MYCBP2: variants seen among roughly 807,000 people sequenced by gnomAD.
MYCBP2 encodes the protein MYC binding protein 2.
Under a neutral mutation model 525.3 loss-of-function variants are expected in MYCBP2, and 120 were observed. That is an observed-to-expected ratio of 0.23 (90% confidence interval 0.20 to 0.27). The LOEUF is 0.27. Among genes scored for constraint, MYCBP2 ranks in the 10% least tolerant of loss-of-function variants. The probability of loss-of-function intolerance (pLI) is 1.00; values close to 1 mark genes in which losing one functional copy is unlikely to be tolerated. For synonymous variants in MYCBP2, 1,894 were observed against 1,955.8 expected (o/e 0.97, Z 0.83); for missense variants, 4,149 against 5,657.1 (o/e 0.73, Z 8.55).
At chr13:77,204,921 A>T in intron 26 of MYCBP2, among the ~76,000 whole-genome samples, 1 of 111,654 alleles carries the variant, frequency 9.0e-6, no homozygotes, top group African/African-American at 3.4e-5. Flanking sequence ...GGGGGGAGGG[A>T]TAGCATTGGG....
At chr13:77,139,160 T>C (rs374641618) in intron 52 of MYCBP2, 36 bp downstream of exon 52, 2 of 1,592,208 alleles carry the variant, frequency 1.3e-6, no homozygotes. Flanking sequence ...AAACAGCGTG[T>C]ATCTATAATG....
intron 46 of MYCBP2, among the ~76,000 whole-genome samples, chr13:77,155,104 T>G (rs1369683200): frequency 6.6e-6 from 1 of 152,114 alleles, no homozygotes; most frequent in Non-Finnish European, 1.5e-5. Context: ...AAGATACTGC[T>G]AAAAGACTGA....
At chr13:77,093,006 T>TTAC (rs1198682192) in intron 59 of MYCBP2, among the ~76,000 whole-genome samples, 159 bp downstream of exon 59, 1 of 152,180 alleles carries the variant, frequency 6.6e-6, no homozygotes, top group African/African-American at 2.4e-5. Flanking sequence ...ATCAAGGACC[T>TTAC]TACCTTAGTC....
intron 15 of MYCBP2, among the ~76,000 whole-genome samples, chr13:77,246,019 T>C (rs1395572679): frequency 1.3e-5 from 2 of 152,130 alleles, no homozygotes. Context: ...ATGGGGTATA[T>C]GTTGACAAAG....
intron 2 of MYCBP2, among the ~76,000 whole-genome samples, chr13:77,294,526 G>A (rs1462784118): frequency 6.6e-6 from 1 of 152,080 alleles, no homozygotes; most frequent in East Asian, 1.9e-4. Flanking sequence ...AGGCCGAATT[G>A]AAGGGGACAA....
chr13:77,312,135 A>G (rs1190112427), intron 1 of MYCBP2, among the ~76,000 whole-genome samples: 1 of 152,132 alleles, frequency 6.6e-6, no homozygotes, highest in East Asian at 1.9e-4. Flanking sequence ...TCGGAATTAT[A>G]TATCCACCTA....
In MYCBP2 at chr13:77,151,047, C is replaced by CT. The variant is rs2056384731; in HGVS notation, c.6916-99dup. 4.1e-6 allele frequency: 4 copies of CT among 980,690 alleles called. No homozygotes were observed. The East Asian group carries it at 1.0e-4, about 25-fold the overall frequency. The allele number at this position is 980,690 out of a possible 1,614,324, so 60.7% of individuals were successfully genotyped here. The stretch of plus-strand genomic sequence containing the variant: ...TATTATAAACTCATAATTATGTATA[C>CT]TTTATGTTAGCATTGGTCTGTCTCT... On this transcript the variant is annotated intron_variant, in intron 46 of 82. Transcript: ENST00000544440.
rs1392253281 is a variant in MYCBP2, at chr13:77,126,586, A to G, written c.7660-44T>C. The G allele has an allele frequency of 6.1e-6, 9 of 1,476,960 alleles. No homozygotes were observed. In the Admixed American group the frequency reaches 1.7e-4, roughly 28 times the overall value. The allele number at this position is 1,476,960 out of a possible 1,614,324, so 91.5% of individuals were successfully genotyped here. A position where few individuals can be genotyped will look rare whatever the true frequency, so the allele number is the denominator to read the frequency against. ...AAGAAAAATAAACAAAATACAATCT[A>G]TTATCACTTTCAAAGCCTTCCTATT... On this transcript the variant is annotated intron_variant, in intron 52 of 82. Coordinates refer to ENST00000544440, the MANE Select transcript of MYCBP2 (RefSeq NM_015057.5).
rs547719122 is a variant in MYCBP2, at chr13:77,306,763, A to T, written c.303-10089T>A. Among the ~76,000 whole-genome samples, 14 of 152,268 alleles carry T rather than the reference A, an allele frequency of 9.2e-5. No homozygotes were observed. The South Asian group carries it at 2.9e-3, about 32-fold the overall frequency. On this transcript the variant is annotated intron_variant, in intron 1 of 82. Transcript: ENST00000544440. ...TTCATCCCAGGCCTCAGAGAACAAC[A>T]AGAGGAATGAGAGCAAGCAAATAAC...
intron 1 of MYCBP2, among the ~76,000 whole-genome samples, chr13:77,310,341 C>T (rs762725230): frequency 2.0e-5 from 3 of 152,154 alleles, no homozygotes; most frequent in African/African-American, 7.2e-5. Flanking sequence ...GCTCCAGCAA[C>T]GATTACCACC....
At chr13:77,174,916 AT>A (rs2059502476) in intron 36 of MYCBP2, among the ~76,000 whole-genome samples, 1 of 117,786 alleles carries the variant, frequency 8.5e-6, no homozygotes, top group East Asian at 2.5e-4. Flanking sequence ...TATATAATAT[AT>A]ATTATATATA....
chr13:77,208,586 T>C (rs1054278964), intron 23 of MYCBP2, among the ~76,000 whole-genome samples: 3 of 152,202 alleles, frequency 2.0e-5, no homozygotes, highest in Non-Finnish European at 4.4e-5. Context: ...CTCTAAATTA[T>C]TTTTGAGCAA....
chr13:77,154,235 G>A (rs2056924621), intron 46 of MYCBP2, among the ~76,000 whole-genome samples: 1 of 152,070 alleles, frequency 6.6e-6, no homozygotes, highest in Non-Finnish European at 1.5e-5. Context: ...AGTATTTAGA[G>A]TGGTTTTCTA....
In MYCBP2 at chr13:77,057,054, G is replaced by A. The variant is rs765649534; in HGVS notation, c.13369C>T (p.Arg4457Ter). 3 of 1,613,692 alleles carry A rather than the reference G, an allele frequency of 1.9e-6. No individual in the cohort carries two copies. The highest frequency in any genetic ancestry group is 1.3e-5 in the African/African-American group (1 of 74,984). ...CCAAGCCATCGATTTTCTAATACTC[G>A]CCGACAGCACTGTAAGTGGAATATG... ...SHIFHLQCCR[R>*]VLENRWLGPR... The change falls in exon 79 of 83, where the codon CGA becomes TGA. Residue 4457 changes from arginine to a stop codon, truncating the protein, a stop_gained. Coordinates refer to ENST00000544440, the MANE Select transcript of MYCBP2 (RefSeq NM_015057.5). LOFTEE classifies it high-confidence loss of function.
In MYCBP2 at chr13:77,066,042, G is replaced by C; in HGVS notation, c.12502C>G (p.Pro4168Ala). 1 of 1,613,470 alleles carries C rather than the reference G, an allele frequency of 6.2e-7. No individual in the cohort carries two copies. Among genetic ancestry groups the C allele is most frequent in the Non-Finnish European group, 8.5e-7 (1 of 1,179,622 alleles). Residue 4168 changes from proline (P) to alanine (A), a missense_variant, in exon 72 of 83, where the codon CCT becomes GCT. Coordinates refer to ENST00000544440, the MANE Select transcript of MYCBP2 (RefSeq NM_015057.5). ...ESHWWMKGST[P>A]TQISEIIIKL... ...ATGATGATCTCTGAGATCTGGGTAG[G>C]GGTTGAGCCCTTCATCCACCAATGA...
In MYCBP2 at chr13:77,093,847, T is replaced by C. The variant is rs117338692; in HGVS notation, c.10200-515A>G. On this transcript the variant is annotated intron_variant, in intron 58 of 82. Coordinates refer to ENST00000544440, the MANE Select transcript of MYCBP2 (RefSeq NM_015057.5). ...GATCATATTTGAAAAATATTAGATA[T>C]ATGAAATTTTCTGTGGTTCAGGGTG... Among the ~76,000 whole-genome samples, 92 of 152,276 alleles carry C rather than the reference T, an allele frequency of 6.0e-4. 1 individual carries two copies. In the East Asian group the frequency reaches 0.013, roughly 22 times the overall value.
chr13:77,294,104 C>CTATATATATATGTATATATATA (rs1555465426), intron 2 of MYCBP2, among the ~76,000 whole-genome samples: 1 of 41,920 alleles, frequency 2.4e-5, no homozygotes, highest in African/African-American at 6.9e-5. Flanking sequence ...GATATAATGG[C>CTATATATATATGTATATATATA]TATATATATA....
chr13:77,264,078 T>C (rs1468872048), intron 8 of MYCBP2, 76 bp from the exon 9 acceptor site: 1 of 1,176,444 alleles, frequency 8.5e-7, no homozygotes, highest in Non-Finnish European at 1.2e-6. Context: ...TCTGTTGAAG[T>C]CAAAATGAGA....
At chr13:77,232,065 C>T (rs2067205401) in intron 18 of MYCBP2, among the ~76,000 whole-genome samples, 1 of 152,086 alleles carries the variant, frequency 6.6e-6, no homozygotes, top group Non-Finnish European at 1.5e-5. Flanking sequence ...GCTCTATTTA[C>T]ACCTTTACTA....
Sources: gnomAD v4.1 joint callset for allele counts (sites outside exome capture counted in the v4.1 genomes callset) on GRCh38, gnomAD v4.1.1 for gene constraint, MANE v1.5 for transcripts, NCBI Gene and HGNC (gene_info 2026-07-23, HGNC 2026-07-21) for gene names.